Variants in FTO observed in about 807,000 individuals in gnomAD.
The protein encoded by FTO is alpha-ketoglutarate-dependent dioxygenase FTO.
FTO carries 47 observed loss-of-function variants against 63.9 expected under a neutral mutation model. The ratio of observed to expected loss-of-function variants is 0.74; its 90% CI spans 0.58 to 0.94. The LOEUF is 0.94. Among genes scored for constraint, FTO ranks in the 40% least tolerant of loss-of-function variants. The pLI is 0.00. For synonymous variants in FTO, 207 were observed against 224.4 expected (o/e 0.92, Z 0.69); for missense variants, 562 against 618.1 (o/e 0.91, Z 0.96).
At chr16:53,971,276 T>A (rs529449406) in intron 8 of FTO, among the ~76,000 whole-genome samples, 2 of 152,332 alleles carry the variant, frequency 1.3e-5, no homozygotes, top group East Asian at 3.9e-4. Flanking sequence ...TTGGATTAGA[T>A]CCTTAGAATC....
At chr16:53,952,077 G>A (rs2082815076) in intron 8 of FTO, among the ~76,000 whole-genome samples, 1 of 152,154 alleles carries the variant, frequency 6.6e-6, no homozygotes, top group Non-Finnish European at 1.5e-5. Flanking sequence ...ACTATTCTAC[G>A]TGTTTTGCCC....
At chr16:53,797,642 G>A (rs2078110241) in intron 1 of FTO, among the ~76,000 whole-genome samples, 2 of 152,098 alleles carry the variant, frequency 1.3e-5, no homozygotes, top group Admixed American at 1.3e-4. Context: ...AAATGAAGCT[G>A]CTGTGAACAT....
At chr16:53,813,475 G>T (rs111840378) in intron 2 of FTO, among the ~76,000 whole-genome samples, 5,886 of 152,198 alleles carry the variant, frequency 0.039, 377 homozygotes, top group African/African-American at 0.13. Context: ...GCCTCCCAAA[G>T]TGCTGGGATT....
chr16:53,994,309 C>G (rs930985162), intron 8 of FTO: 1 of 151,952 alleles, frequency 6.6e-6, no homozygotes, highest in Non-Finnish European at 1.5e-5. Flanking sequence ...CTCCATTCCT[C>G]TGCTCATATT....
At chr16:53,753,245 C>T (rs2076840451) in intron 1 of FTO, among the ~76,000 whole-genome samples, 1 of 146,442 alleles carries the variant, frequency 6.8e-6, no homozygotes, top group Non-Finnish European at 1.5e-5. Context: ...AGAGAGAGAC[C>T]CTGTCTCAAA....
intron 1 of FTO, among the ~76,000 whole-genome samples, chr16:53,789,264 A>G (rs1245492732): frequency 6.6e-6 from 1 of 152,228 alleles, no homozygotes; most frequent in Non-Finnish European, 1.5e-5. Context: ...ATATAGGCAA[A>G]GAGCAGTTTT....
intron 8 of FTO, among the ~76,000 whole-genome samples, chr16:53,943,870 C>T (rs190853972): frequency 3.2e-4 from 49 of 152,274 alleles, no homozygotes; most frequent in African/African-American, 6.5e-4. Context: ...CTAGGGAATC[C>T]GTAACATAAA....
At chr16:53,735,036 C>A (rs2076359134) in intron 1 of FTO, among the ~76,000 whole-genome samples, 1 of 152,228 alleles carries the variant, frequency 6.6e-6, no homozygotes, top group Non-Finnish European at 1.5e-5. Context: ...TTCCTTGGAA[C>A]TGGGCTCATG....
intron 8 of FTO, among the ~76,000 whole-genome samples, chr16:54,037,811 T>C (rs2084975899): frequency 6.6e-6 from 1 of 152,206 alleles, no homozygotes; most frequent in Non-Finnish European, 1.5e-5. Flanking sequence ...TTATATATAG[T>C]CATTATGTTA....
intron 8 of FTO, among the ~76,000 whole-genome samples, chr16:53,977,251 G>A (rs2083453399): frequency 6.6e-6 from 1 of 151,950 alleles, no homozygotes; most frequent in Admixed American, 6.6e-5. Context: ...TGATGACATG[G>A]GTTTTCTCCT....
intron 1 of FTO, among the ~76,000 whole-genome samples, chr16:53,717,534 CAT>C (rs2075923671): frequency 6.6e-6 from 1 of 152,052 alleles, no homozygotes; most frequent in African/African-American, 2.4e-5. Context: ...ATTTACTAAT[CAT>C]GTGATAGAAA....
intron 7 of FTO, among the ~76,000 whole-genome samples, chr16:53,917,970 A>T (rs1304613451): frequency 1.3e-5 from 2 of 152,204 alleles, no homozygotes; most frequent in Non-Finnish European, 1.5e-5. Context: ...TTACAATGTC[A>T]GTAGCATGAG....
chr16:53,846,023 C>T (rs2079608806), intron 4 of FTO, among the ~76,000 whole-genome samples: 1 of 152,190 alleles, frequency 6.6e-6, no homozygotes, highest in Admixed American at 6.5e-5. Flanking sequence ...CAGCCCCAAT[C>T]TCCTGTCAGC....
intron 8 of FTO, among the ~76,000 whole-genome samples, chr16:53,968,741 C>T (rs1229215487): frequency 1.3e-5 from 2 of 152,198 alleles, no homozygotes; most frequent in African/African-American, 4.8e-5. Context: ...TTCACTTGAG[C>T]TGGGGACCTC....
At chr16:53,750,846 A>G (rs1387088071) in intron 1 of FTO, among the ~76,000 whole-genome samples, 3 of 152,252 alleles carry the variant, frequency 2.0e-5, no homozygotes, top group Admixed American at 6.5e-5. Flanking sequence ...ACTTGATTGA[A>G]TTGCACACAG....
At chr16:53,838,800 C>G (rs938032450) in intron 3 of FTO, among the ~76,000 whole-genome samples, 28 of 152,158 alleles carry the variant, frequency 1.8e-4, no homozygotes, top group Non-Finnish European at 2.6e-4. Context: ...GATCACGACA[C>G]TGCACTCCAG....
chr16:53,902,204 G>A (rs2081420790), intron 7 of FTO, among the ~76,000 whole-genome samples: 1 of 152,022 alleles, frequency 6.6e-6, no homozygotes, highest in Non-Finnish European at 1.5e-5. Flanking sequence ...TATATATTAG[G>A]TATTCACCCT....
At chr16:54,111,726 C>G (rs1355503619) in intron 8 of FTO, 36 bp from the exon 9 acceptor site, 2 of 1,613,546 alleles carry the variant, frequency 1.2e-6, no homozygotes, top group Non-Finnish European at 1.7e-6. Flanking sequence ...TGGGGGTTTC[C>G]TCCCGTGGAT....
At chr16:54,030,551 A>T (rs1196674550) in intron 8 of FTO, among the ~76,000 whole-genome samples, 4 of 151,954 alleles carry the variant, frequency 2.6e-5, no homozygotes, top group Non-Finnish European at 5.9e-5. Flanking sequence ...AGCAAAACTT[A>T]GTCCTCATTT....
Sources: allele counts gnomAD v4.1 joint callset (sites outside exome capture counted in the v4.1 genomes callset), GRCh38; gene constraint gnomAD v4.1.1; transcripts MANE v1.5; gene names NCBI Gene and HGNC (gene_info 2026-07-23, HGNC 2026-07-21).